Variants in NOL10 observed in about 807,000 individuals in gnomAD.
NOL10 encodes the protein H_NH0074G24.1.
In NOL10, 58 loss-of-function variants were observed where a neutral mutation model predicts 103.5. The observed-to-expected ratio is 0.56, with a 90% CI of 0.45 to 0.70. The LOEUF (loss-of-function observed/expected upper bound fraction) is 0.70, where lower values mean the gene tolerates loss of function less well. NOL10 is among the 30% of genes least tolerant of loss of function. NOL10 has a pLI of 0.00. For synonymous variants in NOL10, 287 were observed against 282.5 expected (o/e 1.02, Z -0.16); for missense variants, 763 against 807.3 (o/e 0.95, Z 0.67).
intron 13 of NOL10, among the ~76,000 whole-genome samples, chr2:10,636,687 C>T (rs1678251494): frequency 6.6e-6 from 1 of 151,534 alleles, no homozygotes; most frequent in South Asian, 2.1e-4. Context: ...AAAATTATGC[C>T]AAAACACACC....
intron 14 of NOL10, among the ~76,000 whole-genome samples, chr2:10,603,640 T>C (rs1386322391): frequency 2.0e-5 from 3 of 152,174 alleles, no homozygotes; most frequent in African/African-American, 7.2e-5. Context: ...CCACCATATA[T>C]AAACATACAT....
At chr2:10,665,314 A>G (rs1295544919) in intron 8 of NOL10, among the ~76,000 whole-genome samples, 1 of 152,240 alleles carries the variant, frequency 6.6e-6, no homozygotes, top group Non-Finnish European at 1.5e-5. Context: ...TGTATTTTTA[A>G]GCACACTGAT....
chr2:10,646,436 T>A (rs928918626), intron 12 of NOL10, among the ~76,000 whole-genome samples: 1 of 152,156 alleles, frequency 6.6e-6, no homozygotes, highest in African/African-American at 2.4e-5. Context: ...TAGACTGTTT[T>A]CTAAAAATGG....
intron 17 of NOL10, among the ~76,000 whole-genome samples, chr2:10,596,449 G>C (rs1175590136): frequency 6.6e-6 from 1 of 152,088 alleles, no homozygotes; most frequent in African/African-American, 2.4e-5. Flanking sequence ...GCTAATGAGA[G>C]ACAGTGACAG....
rs773620973 is a variant in NOL10 at position 10,657,771 on chromosome 2, G to T, written c.877C>A (p.Arg293=). 12 of 1,550,890 alleles carry T rather than the reference G, an allele frequency of 7.7e-6. No homozygotes were observed. The highest frequency in any genetic ancestry group is 1.0e-5 in the Non-Finnish European group (12 of 1,146,686). ...TTCTTATTCCACATCTTGACAATTC[G>T]AGAGTCAGCAGACAAAATCAGATCT... ...SLDLILSADS[R]IVKMWNKNSG... The change falls in exon 11 of 21, where the codon CGA becomes AGA. Residue 293 remains arginine, a synonymous_variant. Transcript: ENST00000381685.
chr2:10,684,928 G>C (rs1682047904), intron 1 of NOL10, among the ~76,000 whole-genome samples: 1 of 152,076 alleles, frequency 6.6e-6, no homozygotes, highest in African/African-American at 2.4e-5. Flanking sequence ...TCAAACTCCT[G>C]GGCTCAAACA....
chr2:10,658,109 G>GT (rs1271904020), intron 10 of NOL10, among the ~76,000 whole-genome samples: 1 of 152,146 alleles, frequency 6.6e-6, no homozygotes, highest in Non-Finnish European at 1.5e-5. Flanking sequence ...AGATTAATTT[G>GT]TAAGAGCTAC....
intron 9 of NOL10, among the ~76,000 whole-genome samples, chr2:10,659,505 C>T: frequency 6.7e-6 from 1 of 148,872 alleles, no homozygotes; most frequent in East Asian, 2.0e-4. Flanking sequence ...AGTGAGACAC[C>T]ATCTCTACAA....
intron 12 of NOL10, among the ~76,000 whole-genome samples, chr2:10,652,163 C>T (rs532690941): frequency 6.6e-6 from 1 of 151,900 alleles, no homozygotes; most frequent in African/African-American, 2.4e-5. Context: ...TCGCTTGAAT[C>T]CGGGAGGGGG....
Position 10,589,142 on chromosome 2 carries a change from T to C in NOL10, c.1745A>G (p.Glu582Gly), listed in dbSNP as rs1490784590. The C allele has an allele frequency of 5.0e-6, 8 of 1,614,030 alleles. No individual in the cohort carries two copies. The highest frequency in any genetic ancestry group is 6.8e-6 in the Non-Finnish European group (8 of 1,179,898). ...EKVKRQERLK[E>G]DQQTVLKPQF... ...GGGCTTTAGGACTGTCTGCTGGTCC[T>C]CCTTGAGTCGTTCCTGCCGCTTCAC... Residue 582 changes from glutamate to glycine, a missense_variant, in exon 19 of 21, where the codon GAG (glutamate) becomes GGG (glycine). Transcript: ENST00000381685.
intron 13 of NOL10, among the ~76,000 whole-genome samples, chr2:10,611,717 A>T (rs9678985): frequency 0.25 from 37,835 of 151,988 alleles, 6,587 homozygotes; most frequent in African/African-American, 0.46. Context: ...GGAGTTCGAG[A>T]CCAGCCTGGC....
chr2:10,677,521 A>T (rs1432672786), intron 3 of NOL10, among the ~76,000 whole-genome samples: 1 of 148,890 alleles, frequency 6.7e-6, no homozygotes, highest in Non-Finnish European at 1.5e-5. Flanking sequence ...ACCAGGCTGG[A>T]GCACAGAGGT....
intron 13 of NOL10, among the ~76,000 whole-genome samples, chr2:10,623,198 CT>C (rs1474071649): frequency 8.2e-6 from 1 of 122,294 alleles, no homozygotes; most frequent in Non-Finnish European, 1.7e-5. Context: ...GCATGCCACT[CT>C]AGTTAAAGCA....
intron 19 of NOL10, among the ~76,000 whole-genome samples, chr2:10,582,051 A>G (rs1674791099): frequency 6.6e-6 from 1 of 152,242 alleles, no homozygotes; most frequent in Admixed American, 6.5e-5. Context: ...CTGAGGACGT[A>G]TTCCTTGAGT....
chr2:10,573,063 C>CA (rs113673930), intron 20 of NOL10, among the ~76,000 whole-genome samples: 7,649 of 145,586 alleles, frequency 0.053, 643 homozygotes, highest in African/African-American at 0.17. Context: ...AGGTAAAGCT[C>CA]AAAAAAAAAA....
intron 13 of NOL10, chr2:10,622,115 TTGGTTTAGAGAACTGGACAGCAC>T (rs1366333232): frequency 4.2e-6 from 2 of 471,536 alleles, no homozygotes; most frequent in Non-Finnish European, 8.8e-6. Context: ...GTGGCAGACT[TTGGTTTAGAGAACTGGACAGCAC>T]TGGTTTAGAG....
intron 13 of NOL10, among the ~76,000 whole-genome samples, chr2:10,616,283 C>T: frequency 7.4e-6 from 1 of 134,982 alleles, no homozygotes; most frequent in East Asian, 2.3e-4. Context: ...GGTTGGAGTG[C>T]AGTGGTGCGA....
In NOL10 at chr2:10,592,389, C is replaced by T. The variant is rs144652069; in HGVS notation, c.1423-2638G>A. 3.8e-4 allele frequency among the ~76,000 whole-genome samples: 58 copies of T among 152,222 alleles called. 1 individual carries two copies. The East Asian group carries it at 0.011, about 29-fold the overall frequency. On this transcript the variant is annotated intron_variant, in intron 17 of 20. Coordinates refer to ENST00000381685, the MANE Select transcript of NOL10 (RefSeq NM_024894.4). ...GGGTGGAGTAAAGGGGAAGAAATCA[C>T]GCTCCATTTAGGGCTGCCTATGCCT...
chr2:10,676,966 T>C lies in NOL10; in HGVS notation c.212-1095A>G, dbSNP rs181970504. On this transcript the variant is annotated intron_variant, in intron 3 of 20. Transcript: ENST00000381685. Reference sequence around the variant, plus strand: ...TTTTTTTTTTTTCTTTGAAATGGGGTCTTGCTCTGTCGCCCAGGCTGGAGT... The same window carrying C: ...TTTTTTTTTTTTCTTTGAAATGGGGCCTTGCTCTGTCGCCCAGGCTGGAGT... Among the ~76,000 whole-genome samples, 43 of 148,388 alleles carry C rather than the reference T, an allele frequency of 2.9e-4. No homozygotes were observed. In the East Asian group the frequency reaches 7.5e-3, roughly 26 times the overall value.
Sources: gnomAD v4.1 joint callset for allele counts (sites outside exome capture counted in the v4.1 genomes callset) on GRCh38, gnomAD v4.1.1 for gene constraint, MANE v1.5 for transcripts, NCBI Gene and HGNC (gene_info 2026-07-23, HGNC 2026-07-21) for gene names.